LRRC4C: variants seen among roughly 807,000 people sequenced by gnomAD.
The protein encoded by LRRC4C is leucine-rich repeat-containing protein 4C.
In LRRC4C, 5 loss-of-function variants were observed where a neutral mutation model predicts 33.6. The observed-to-expected ratio is 0.15, with a 90% CI of 0.08 to 0.31. The LOEUF (loss-of-function observed/expected upper bound fraction) is 0.31. Among genes scored for constraint, LRRC4C ranks in the 10% least tolerant of loss-of-function variants. The probability of loss-of-function intolerance (pLI) is 1.00; values close to 1 mark genes in which losing one functional copy is unlikely to be tolerated. For synonymous variants in LRRC4C, 329 were observed against 302.0 expected (o/e 1.09, Z -0.93); for missense variants, 560 against 796.7 (o/e 0.70, Z 3.58).
chr11:40,736,021 ATTTG>A (rs1280449473), intron 2 of LRRC4C, among the ~76,000 whole-genome samples: 1 of 151,808 alleles, frequency 6.6e-6, no homozygotes, highest in Non-Finnish European at 1.5e-5. Flanking sequence ...TTTCTTGTAA[ATTTG>A]TTTGAGTTCA....
chr11:40,344,861 A>C (rs1590382445), intron 3 of LRRC4C, among the ~76,000 whole-genome samples: 4 of 152,280 alleles, frequency 2.6e-5, no homozygotes, highest in Admixed American at 2.6e-4. Flanking sequence ...CACGAAGAAC[A>C]TCCAAGCTGA....
chr11:40,116,253 T>C lies in LRRC4C; in HGVS notation c.40A>G (p.Ile14Val). 6.2e-7 allele frequency: 1 copy of C among 1,611,858 alleles called. No individual in the cohort carries two copies. The highest frequency in any genetic ancestry group is 1.1e-5 in the South Asian group (1 of 90,982). The change falls in exon 7 of 7, where the codon ATA (isoleucine) becomes GTA (valine). Residue 14 changes from isoleucine (I) to valine (V), a missense_variant. By Grantham distance (29) the Ile-to-Val change is conservative (BLOSUM62 3). Around this residue, in one of 3 missense-constraint regions of LRRC4C, gnomAD observed 455 missense variants for 643.8 expected, o/e 0.71. Coordinates refer to ENST00000528697, the MANE Select transcript of LRRC4C (RefSeq NM_001258419.2). ...AGGGCCCTGTTAAACCTAGGACCTA[T>C]CATTATCTGCTGTGGATGTAAGGTC... is the stretch of plus-strand genomic sequence containing the variant. ...KMTLHPQQIM[I>V]GPRFNRALFD...
chr11:40,744,659 A>C (rs1264533548), intron 2 of LRRC4C, among the ~76,000 whole-genome samples: 1 of 152,114 alleles, frequency 6.6e-6, no homozygotes, highest in Non-Finnish European at 1.5e-5. Flanking sequence ...TGAATAAACA[A>C]CCCTATGCAT....
At chr11:40,851,992 T>TA (rs1193907704) in intron 2 of LRRC4C, among the ~76,000 whole-genome samples, 3 of 152,136 alleles carry the variant, frequency 2.0e-5, no homozygotes, top group Non-Finnish European at 4.4e-5. Flanking sequence ...TCGTACTTTT[T>TA]AAAAAAATTT....
intron 4 of LRRC4C, among the ~76,000 whole-genome samples, chr11:40,270,885 A>T (rs955505658): frequency 6.6e-6 from 1 of 152,176 alleles, no homozygotes; most frequent in Non-Finnish European, 1.5e-5. Context: ...GATTTTGATC[A>T]CACTAGTGTA....
At position 40,633,325 on chromosome 11, in the gene LRRC4C, T is replaced by TTTTCTTTCTTTCTTTCTTTCTTTC. The variant is rs1555125485; in HGVS notation, c.-270+14793_-270+14816dup. Among the ~76,000 whole-genome samples, 204 of 112,204 alleles carry TTTTCTTTCTTTCTTTCTTTCTTTC rather than the reference T, an allele frequency of 1.8e-3. 6 individuals carry two copies. The highest frequency in any genetic ancestry group is 4.8e-3 in the Middle Eastern group (1 of 210). The allele number at this position is 112,204 out of a possible 152,430, so 73.6% of individuals were successfully genotyped here. A position where few individuals can be genotyped will look rare whatever the true frequency, so the allele number is the denominator to read the frequency against. On this transcript the variant is annotated intron_variant, in intron 3 of 6. Coordinates refer to ENST00000528697, the MANE Select transcript of LRRC4C (RefSeq NM_001258419.2). Reference sequence around the variant, plus strand: ...AAATCTTAGCTCAGCCAAGTTTTCTTTTTCTTTCTTTCTTTCTTTCTTTCT... The same window carrying TTTTCTTTCTTTCTTTCTTTCTTTC: ...AAATCTTAGCTCAGCCAAGTTTTCTTTTTCTTTCTTTCTTTCTTTCTTTCTTTCTTTCTTTCTTTCTTTCTTTCT...
At chr11:41,453,824 TCA>T (rs1387704988) in intron 1 of LRRC4C, among the ~76,000 whole-genome samples, 1 of 152,116 alleles carries the variant, frequency 6.6e-6, no homozygotes, top group Non-Finnish European at 1.5e-5. Context: ...TTGCAGTATA[TCA>T]CAAAAGGAAT....
intron 1 of LRRC4C, among the ~76,000 whole-genome samples, chr11:40,988,894 G>GTATTTTT (rs1480803490): frequency 2.0e-5 from 3 of 151,600 alleles, no homozygotes; most frequent in African/African-American, 7.3e-5. Context: ...TTCTGTTTTT[G>GTATTTTT]TATTTTTAGT....
At chr11:41,143,412 A>C (rs1054726180) in intron 1 of LRRC4C, among the ~76,000 whole-genome samples, 1 of 152,128 alleles carries the variant, frequency 6.6e-6, no homozygotes, top group Non-Finnish European at 1.5e-5. Context: ...TGATAAGTAA[A>C]TAAACAAAGA....
chr11:40,375,550 A>G (rs932513163), intron 3 of LRRC4C, among the ~76,000 whole-genome samples: 4 of 152,180 alleles, frequency 2.6e-5, no homozygotes, highest in Non-Finnish European at 5.9e-5. Context: ...ATTTTGTGGC[A>G]TACCACCAGG....
chr11:40,152,883 T>C (rs1055338837), intron 5 of LRRC4C, among the ~76,000 whole-genome samples: 1 of 152,030 alleles, frequency 6.6e-6, no homozygotes, highest in African/African-American at 2.4e-5. Context: ...AAAGGGCATA[T>C]TATATTGGGA....
At chr11:40,128,880 G>A (rs892386493) in intron 6 of LRRC4C, among the ~76,000 whole-genome samples, 1 of 152,128 alleles carries the variant, frequency 6.6e-6, no homozygotes, top group Non-Finnish European at 1.5e-5. Context: ...CTGGCAAAAA[G>A]TATCCCTTTT....
chr11:41,205,545 T>A (rs1590930356), intron 1 of LRRC4C, among the ~76,000 whole-genome samples: 1 of 152,056 alleles, frequency 6.6e-6, no homozygotes, highest in Non-Finnish European at 1.5e-5. Flanking sequence ...AATCACAGAG[T>A]CAATACCCTC....
At chr11:40,987,763 C>T (rs1266708573) in intron 1 of LRRC4C, among the ~76,000 whole-genome samples, 1 of 149,438 alleles carries the variant, frequency 6.7e-6, no homozygotes, top group Middle Eastern at 3.2e-3. Flanking sequence ...TTTGCAGAAG[C>T]TTATTTAGAA....
intron 3 of LRRC4C, among the ~76,000 whole-genome samples, chr11:40,520,714 A>T (rs1416381545): frequency 1.3e-5 from 2 of 152,196 alleles, no homozygotes; most frequent in African/African-American, 4.8e-5. Flanking sequence ...ACACTGTTGG[A>T]AAGTGGCATT....
intron 1 of LRRC4C, among the ~76,000 whole-genome samples, chr11:41,418,498 T>C (rs1162490580): frequency 1.3e-5 from 2 of 151,948 alleles, no homozygotes; most frequent in Admixed American, 1.3e-4. Flanking sequence ...CTTAAGCCTG[T>C]AATATTAAAC....
At chr11:40,305,609 C>CA (rs78364325) in intron 4 of LRRC4C, among the ~76,000 whole-genome samples, 514 of 96,396 alleles carry the variant, frequency 5.3e-3, no homozygotes, top group African/African-American at 9.1e-3. Context: ...TTGTCAAATA[C>CA]AAAAAAAAAA....
At position 40,533,094 on chromosome 11, in the gene LRRC4C, C is replaced by A. The variant is rs143150515; in HGVS notation, c.-270+115048G>T. On this transcript the variant is annotated intron_variant, in intron 3 of 6. Coordinates refer to ENST00000528697, the MANE Select transcript of LRRC4C (RefSeq NM_001258419.2). ...GGGATTATGGAGATTATGGGAATTACAATTCAAGATGAGATTTTGGGTGGG... is the reference window on the plus strand; with the variant it reads ...GGGATTATGGAGATTATGGGAATTAAAATTCAAGATGAGATTTTGGGTGGG... Among the ~76,000 whole-genome samples, 579 of 152,132 alleles carry A rather than the reference C, an allele frequency of 3.8e-3. 5 individuals are homozygous for A. Among genetic ancestry groups the A allele is most frequent in the African/African-American group, 0.013 (547 of 41,518 alleles).
intron 1 of LRRC4C, among the ~76,000 whole-genome samples, chr11:41,069,067 C>A (rs1938483715): frequency 6.6e-6 from 1 of 152,122 alleles, no homozygotes; most frequent in Non-Finnish European, 1.5e-5. Flanking sequence ...AGGCTTAAAC[C>A]ACCATGATGA....
Sources: gnomAD v4.1 joint callset for allele counts (sites outside exome capture counted in the v4.1 genomes callset) on GRCh38, gnomAD v4.1.1 for gene constraint, gnomAD v4.1.1 regional missense constraint, MANE v1.5 for transcripts, NCBI Gene and HGNC (gene_info 2026-07-23, HGNC 2026-07-21) for gene names.